FBRSL1: variants seen among roughly 807,000 people sequenced by gnomAD.
The protein encoded by FBRSL1 is fibrosin-1-like protein.
In FBRSL1, 51 loss-of-function variants were observed where a neutral mutation model predicts 89.6. The ratio of observed to expected loss-of-function variants is 0.57; its 90% confidence interval spans 0.45 to 0.72. The LOEUF is 0.72. Ranked by LOEUF, FBRSL1 falls within the 30% of genes least tolerant of loss-of-function variation. The pLI is 0.00. For synonymous variants in FBRSL1, 779 were observed against 681.1 expected (o/e 1.14, Z -2.24); for missense variants, 1,618 against 1,451.8 (o/e 1.11, Z -1.86).
intron 2 of FBRSL1, among the ~76,000 whole-genome samples, chr12:132,523,996 G>A (rs995065937): frequency 1.3e-5 from 2 of 152,224 alleles, no homozygotes; most frequent in Admixed American, 1.3e-4. Flanking sequence ...GAGTCCAGCT[G>A]GTGACAACAG....
At chr12:132,557,188 G>A (rs1338969382) in intron 5 of FBRSL1, among the ~76,000 whole-genome samples, 2 of 152,212 alleles carry the variant, frequency 1.3e-5, no homozygotes, top group Non-Finnish European at 2.9e-5. Context: ...GATGGCAGAC[G>A]CAGTTACAGT....
chr12:132,503,503 T>G (rs2033294037), intron 1 of FBRSL1, among the ~76,000 whole-genome samples: 1 of 152,218 alleles, frequency 6.6e-6, no homozygotes, highest in Non-Finnish European at 1.5e-5. Flanking sequence ...CAGGTGAGTG[T>G]GAGCCATGGG....
intron 1 of FBRSL1, 23 bp from the exon 2 acceptor site, chr12:132,508,130 G>T (rs1451795517): frequency 1.6e-6 from 2 of 1,274,754 alleles, no homozygotes; most frequent in Non-Finnish European, 2.2e-6. Context: ...CCAATTAACT[G>T]GCGTTTCCCT....
chr12:132,501,913 C>T (rs1371901054), intron 1 of FBRSL1, among the ~76,000 whole-genome samples: 2 of 152,372 alleles, frequency 1.3e-5, no homozygotes, highest in Middle Eastern at 3.4e-3. Flanking sequence ...GGGACAGCCT[C>T]ACCTGCCCGG....
chr12:132,502,341 C>T (rs1001351264), intron 1 of FBRSL1, among the ~76,000 whole-genome samples: 3 of 152,232 alleles, frequency 2.0e-5, no homozygotes, highest in Non-Finnish European at 4.4e-5. Flanking sequence ...TCCCTGGTGC[C>T]ACCTCAGCCC....
At chr12:132,550,719 G>T (rs1338134361) in intron 5 of FBRSL1, 2 of 152,822 alleles carry the variant, frequency 1.3e-5, no homozygotes, top group African/African-American at 4.8e-5. Flanking sequence ...CCGGCAGCAG[G>T]AGTTTCCGTT....
chr12:132,511,704 G>T (rs3751300), intron 2 of FBRSL1: 277,431 of 982,230 alleles, frequency 0.28, 33,735 homozygotes, highest in Non-Finnish European at 0.3. Flanking sequence ...GGTGTCCCTG[G>T]CTCCCAGGCC....
At chr12:132,547,560 G>A (rs990706212) in intron 4 of FBRSL1, among the ~76,000 whole-genome samples, 3 of 149,830 alleles carry the variant, frequency 2.0e-5, no homozygotes, top group African/African-American at 7.4e-5. Flanking sequence ...AGCCCATGTG[G>A]TGCCATCGAT....
At position 132,490,739 on chromosome 12, in the gene FBRSL1, GCCGCCCCCGCGCCCCGCA is replaced by G. The variant is rs2030709702; in HGVS notation, c.174_191del (p.Pro59_Ala64del). On this transcript the variant is annotated inframe_deletion, in exon 1 of 19. Coordinates refer to ENST00000680143, the MANE Select transcript of FBRSL1 (RefSeq NM_001367871.1). ...CCTCCGCGGCGCGCCCCCCCGAGGCGCCGCCCCCGCGCCCCGCACCGCGCGTCCCCCGCGCCGCCGCCG... is the reference window on the plus strand; with the variant it reads ...CCTCCGCGGCGCGCCCCCCCGAGGCGCCGCGCGTCCCCCGCGCCGCCGCCG... The G allele has an allele frequency of 9.9e-7, 1 of 1,006,046 alleles. No homozygotes were observed. Among genetic ancestry groups the G allele is most frequent in the Non-Finnish European group, 1.2e-6 (1 of 846,604 alleles). The allele number at this position is 1,006,046 out of a possible 1,614,324, so 62.3% of individuals were successfully genotyped here.
Position 132,525,722 on chromosome 12 carries a change from T to C in FBRSL1, c.490-12T>C, listed in dbSNP as rs2035735179. 1.9e-6 allele frequency: 3 copies of C among 1,542,764 alleles called. No homozygotes were observed. The highest frequency in any genetic ancestry group is 3.9e-5 in the Admixed American group (2 of 50,942). On this transcript the variant is annotated splice_polypyrimidine_tract_variant and intron_variant, in intron 2 of 18. Transcript: ENST00000680143. ...GGGGGTTTGCCTGAGACAGTGTCTC[T>C]CTCTGTCCCAGATGAAGGTCACCGT...
At position 132,571,488 on chromosome 12, in the gene FBRSL1, A is replaced by G. The variant is rs1424513708; in HGVS notation, c.1377+257A>G. 59 of 1,544,524 alleles carry G rather than the reference A, an allele frequency of 3.8e-5. No individual in the cohort carries two copies. In the East Asian group the frequency reaches 1.4e-3, roughly 37 times the overall value. On this transcript the variant is annotated intron_variant, in intron 9 of 18. Transcript: ENST00000680143. Reference sequence around the variant, plus strand: ...AACACACATTCGCCCCCTTCCCCGCAGGGCTGCCCCCGACGCCGCCCGCCG... The same window carrying G: ...AACACACATTCGCCCCCTTCCCCGCGGGGCTGCCCCCGACGCCGCCCGCCG...
intron 15 of FBRSL1, among the ~76,000 whole-genome samples, chr12:132,578,341 T>TCCCACACACACACACACACACA (rs547551851): frequency 7.0e-5 from 2 of 28,648 alleles, no homozygotes; most frequent in Admixed American, 4.8e-4. Context: ...CAAGACCCTG[T>TCCCACACACACACACACACACA]CTCACACACA....
intron 5 of FBRSL1, chr12:132,550,937 G>T (rs763815037): frequency 5.1e-6 from 1 of 194,294 alleles, no homozygotes; most frequent in Non-Finnish European, 1.1e-5. Context: ...GAGGGTGTGC[G>T]TGGAGCCCAT....
chr12:132,498,603 C>T (rs1461571024), intron 1 of FBRSL1, among the ~76,000 whole-genome samples: 1 of 152,250 alleles, frequency 6.6e-6, no homozygotes, highest in Non-Finnish European at 1.5e-5. Context: ...TCCTGCTCTA[C>T]AGCCTGGAAT....
At chr12:132,498,918 C>G (rs2032506100) in intron 1 of FBRSL1, among the ~76,000 whole-genome samples, 1 of 152,254 alleles carries the variant, frequency 6.6e-6, no homozygotes, top group Non-Finnish European at 1.5e-5. Flanking sequence ...GGCCGACAAC[C>G]CCAGCCAGGT....
At chr12:132,556,866 C>G (rs1389796508) in intron 5 of FBRSL1, among the ~76,000 whole-genome samples, 1 of 152,018 alleles carries the variant, frequency 6.6e-6, no homozygotes. Flanking sequence ...GCCCCCCAAA[C>G]CCCCGTCCCG....
chr12:132,574,141 C>G lies in FBRSL1; in HGVS notation c.1582C>G (p.Leu528Val), dbSNP rs2040228623. 1 of 1,414,454 alleles carries G rather than the reference C, an allele frequency of 7.1e-7. No homozygotes were observed. Among genetic ancestry groups the G allele is most frequent in the Non-Finnish European group, 9.2e-7 (1 of 1,089,308 alleles). The allele number at this position is 1,414,454 out of a possible 1,614,324, so 87.6% of individuals were successfully genotyped here. ...ARRAGAVHTL[L>V]QKAPGVSDPY... is the part of the protein sequence containing the mutation. ...CCGGGCTGGTGCGGTTCACACACTC[C>G]TGCAGAAAGCGCCTGGGGTAGGTGT... Residue 528 changes from leucine to valine, a missense_variant, in exon 12 of 19, where the codon CTG becomes GTG. Coordinates refer to ENST00000680143, the MANE Select transcript of FBRSL1 (RefSeq NM_001367871.1).
rs775636928 is a variant in FBRSL1, at chr12:132,525,761, G to A, written c.517G>A (p.Asp173Asn). The change falls in exon 3 of 19, where the codon GAC becomes AAC. Residue 173 changes from aspartate (D) to asparagine (N), a missense_variant. Physicochemically the swap from Asp to Asn is conservative, Grantham distance 23 (BLOSUM62 1). Transcript: ENST00000680143. The stretch of plus-strand genomic sequence containing the variant: ...GAAGGTCACCGTGTCCAAAGGGGGC[G>A]ACCGGGACAGTGACGACGACAGCGT... Reference protein sequence around the residue: ...QMKVTVSKGGDRDSDDDSVLE... With the variant: ...QMKVTVSKGGNRDSDDDSVLE... The A allele has an allele frequency of 8.4e-6, 13 of 1,549,756 alleles. No homozygotes were observed. The highest frequency in any genetic ancestry group is 5.5e-5 in the African/African-American group (4 of 73,020).
At position 132,546,895 on chromosome 12, in the gene FBRSL1, G is replaced by A. The variant is rs2037735222; in HGVS notation, c.616-1108G>A. 1.3e-5 allele frequency among the ~76,000 whole-genome samples: 2 copies of A among 152,254 alleles called. No homozygotes were observed. The highest frequency in any genetic ancestry group is 4.8e-5 in the African/African-American group (2 of 41,472). Reference sequence around the variant, plus strand: ...CGTCGCTGAACACTCGGCAGCCGCGGCTGCACATGGAGGGTGGCTGTGCGT... The same window carrying A: ...CGTCGCTGAACACTCGGCAGCCGCGACTGCACATGGAGGGTGGCTGTGCGT... On this transcript the variant is annotated intron_variant, in intron 4 of 18. Transcript: ENST00000680143. The surrounding 1 kb of genome is among the most constrained non-coding windows in gnomAD (Gnocchi z 4.0).
Sources: allele counts gnomAD v4.1 joint callset (sites outside exome capture counted in the v4.1 genomes callset), GRCh38; gene constraint gnomAD v4.1.1; non-coding constraint Gnocchi (gnomAD v3.1); transcripts MANE v1.5; gene names NCBI Gene and HGNC (gene_info 2026-07-23, HGNC 2026-07-21).